Variants in ACOT7 observed in about 807,000 individuals in gnomAD.
ACOT7 encodes the protein cytosolic acyl coenzyme A thioester hydrolase.
A neutral mutation model predicts 40.2 loss-of-function variants in ACOT7; 12 were observed. That is an observed-to-expected ratio of 0.30 (90% CI 0.19 to 0.48). The LOEUF (loss-of-function observed/expected upper bound fraction) is 0.48. ACOT7 is among the 20% of genes least tolerant of loss of function. The pLI, the probability that ACOT7 is intolerant of heterozygous loss-of-function variation, is 0.99. For synonymous variants in ACOT7, 228 were observed against 219.5 expected (o/e 1.04, Z -0.34); for missense variants, 395 against 530.8 (o/e 0.74, Z 2.51).
At chr1:6,343,108 G>A (rs112965576) in intron 2 of ACOT7, among the ~76,000 whole-genome samples, 5,563 of 152,242 alleles carry the variant, frequency 0.037, 224 homozygotes, top group African/African-American at 0.097. Flanking sequence ...GGCCAGCTCC[G>A]ACATCACTGG....
At position 6,264,327 on chromosome 1, in the gene ACOT7, G is replaced by A. The variant is rs771160471; in HGVS notation, c.*270C>T. On this transcript the variant is annotated 3_prime_UTR_variant, in exon 9 of 9. Transcript: ENST00000361521. Reference sequence around the variant, plus strand: ...CTGGGTTCTTCCCATACCCTACAGCGTGCTCGGAAGCATTCCCGAGGGTTT... The same window carrying A: ...CTGGGTTCTTCCCATACCCTACAGCATGCTCGGAAGCATTCCCGAGGGTTT... 7 of 467,428 alleles carry A rather than the reference G, an allele frequency of 1.5e-5. No individual in the cohort carries two copies. Among genetic ancestry groups the A allele is most frequent in the South Asian group, 6.1e-5 (2 of 32,654 alleles). The allele number at this position is 467,428 out of a possible 1,614,324, so 29.0% of individuals were successfully genotyped here. A position where few individuals can be genotyped will look rare whatever the true frequency, so the allele number is the denominator to read the frequency against.
At chr1:6,280,372 C>T (rs1639319929) in intron 8 of ACOT7, among the ~76,000 whole-genome samples, 1 of 152,250 alleles carries the variant, frequency 6.6e-6, no homozygotes, top group Non-Finnish European at 1.5e-5. Flanking sequence ...AGGGAAGCTG[C>T]CTCTTTGGGC....
chr1:6,296,427 ATT>A (rs5772228), intron 6 of ACOT7, among the ~76,000 whole-genome samples: 3 of 144,780 alleles, frequency 2.1e-5, no homozygotes, highest in Non-Finnish European at 4.6e-5. Context: ...TCAATTTTTA[ATT>A]TTTTTTTTTT....
intron 1 of ACOT7, among the ~76,000 whole-genome samples, chr1:6,360,196 C>G (rs1055445243): frequency 6.6e-6 from 1 of 152,258 alleles, no homozygotes; most frequent in Non-Finnish European, 1.5e-5. Flanking sequence ...TGGTGCTGCC[C>G]CCGCCCAGGG....
At chr1:6,356,918 C>CAAA (rs139388424) in intron 1 of ACOT7, among the ~76,000 whole-genome samples, 1 of 112,668 alleles carries the variant, frequency 8.9e-6, no homozygotes, top group African/African-American at 3.3e-5. Context: ...GACTGTGTCT[C>CAAA]AAAAAAAAAA....
chr1:6,328,503 G>C (rs1336197207), intron 4 of ACOT7, among the ~76,000 whole-genome samples: 4 of 151,896 alleles, frequency 2.6e-5, no homozygotes, highest in Non-Finnish European at 5.9e-5. Context: ...CCAACATGGT[G>C]AAACCCCGCC....
intron 8 of ACOT7, among the ~76,000 whole-genome samples, chr1:6,279,614 G>A (rs1054652284): frequency 6.6e-6 from 1 of 152,184 alleles, no homozygotes; most frequent in African/African-American, 2.4e-5. Context: ...CTTTCAGCCT[G>A]GCCGAGTCCT....
intron 4 of ACOT7, among the ~76,000 whole-genome samples, chr1:6,329,162 G>A (rs1557653273): frequency 6.6e-6 from 1 of 152,216 alleles, no homozygotes; most frequent in South Asian, 2.1e-4. Context: ...TAAACATCTC[G>A]ATAATTCCTG....
At chr1:6,350,945 C>T (rs909547050) in intron 1 of ACOT7, among the ~76,000 whole-genome samples, 4 of 152,216 alleles carry the variant, frequency 2.6e-5, no homozygotes, top group African/African-American at 7.2e-5. Context: ...AACACTGCCT[C>T]GCCTAACTGG....
Position 6,358,056 on chromosome 1 carries a change from C to T in ACOT7, c.144-8190G>A, listed in dbSNP as rs997224487. On this transcript the variant is annotated intron_variant, in intron 1 of 8. Coordinates refer to ENST00000361521, the MANE Select transcript of ACOT7 (RefSeq NM_007274.4). The surrounding 1 kb of genome is among the most constrained non-coding windows in gnomAD (Gnocchi z 4.1). ...TAATTTTTGTATTTTTTAGTAGAGA[C>T]GGGGGTTTCACCATGTTGGCCAGGC... Among the ~76,000 whole-genome samples, 7 of 151,740 alleles carry T rather than the reference C, an allele frequency of 4.6e-5. No homozygotes were observed. The highest frequency in any genetic ancestry group is 7.3e-5 in the African/African-American group (3 of 41,284).
intron 7 of ACOT7, among the ~76,000 whole-genome samples, chr1:6,281,582 C>T (rs1055417406): frequency 6.6e-6 from 1 of 152,246 alleles, no homozygotes; most frequent in Non-Finnish European, 1.5e-5. Flanking sequence ...GCAGCACCTG[C>T]TGAAAGGCTT....
chr1:6,324,084 G>A (rs920281220), intron 5 of ACOT7, among the ~76,000 whole-genome samples: 62 of 152,050 alleles, frequency 4.1e-4, no homozygotes, highest in African/African-American at 1.4e-3. Context: ...CCATTGACCC[G>A]GACGCCCCTG....
At chr1:6,323,425 G>T (rs1268715098) in intron 5 of ACOT7, among the ~76,000 whole-genome samples, 1 of 152,034 alleles carries the variant, frequency 6.6e-6, no homozygotes, top group Non-Finnish European at 1.5e-5. Flanking sequence ...CCCTGACCAG[G>T]TCTGCCTTCT....
At chr1:6,305,301 C>T (rs1640107813) in intron 6 of ACOT7, among the ~76,000 whole-genome samples, 1 of 128,720 alleles carries the variant, frequency 7.8e-6, no homozygotes, top group African/African-American at 2.7e-5. Flanking sequence ...CAGAGGGGCT[C>T]CTCACTTCCC....
At chr1:6,362,441 A>G (rs4908548) in intron 1 of ACOT7, among the ~76,000 whole-genome samples, 35 of 152,166 alleles carry the variant, frequency 2.3e-4, no homozygotes, top group Admixed American at 1.7e-3. Context: ...AAAAAAAAAA[A>G]AGAAAAAAAA....
chr1:6,291,033 G>A (rs1639647887), intron 7 of ACOT7, among the ~76,000 whole-genome samples: 1 of 152,126 alleles, frequency 6.6e-6, no homozygotes, highest in African/African-American at 2.4e-5. Flanking sequence ...GGCAGCTTGG[G>A]GCTGGTGAAT....
chr1:6,386,787 AG>A (rs2148483619), intron 1 of ACOT7, among the ~76,000 whole-genome samples: 1 of 152,330 alleles, frequency 6.6e-6, no homozygotes, highest in Non-Finnish European at 1.5e-5. Context: ...TGAGCCCAGA[AG>A]GTTGGGGCTG....
At chr1:6,377,937 G>A (rs1045335954) in intron 1 of ACOT7, among the ~76,000 whole-genome samples, 4 of 152,116 alleles carry the variant, frequency 2.6e-5, no homozygotes, top group Non-Finnish European at 5.9e-5. Context: ...AGGTGTGGTG[G>A]CAGGCGCCTG....
rs1342526633 is a variant in ACOT7 at position 6,330,083 on chromosome 1, G to A, written c.511-2670C>T. ...GTGTGTGTGGTGTGTGTGTGTGTGT[G>A]CGTGTTCAAGATATCTACATGCATA... On this transcript the variant is annotated intron_variant, in intron 4 of 8. Coordinates refer to ENST00000361521, the MANE Select transcript of ACOT7 (RefSeq NM_007274.4). The surrounding 1 kb of genome is among the most constrained non-coding windows in gnomAD (Gnocchi z 4.6). Among the ~76,000 whole-genome samples the A allele has an allele frequency of 6.6e-6, 1 of 152,218 alleles. No homozygotes were observed. The highest frequency in any genetic ancestry group is 1.5e-5 in the Non-Finnish European group (1 of 68,032).
Sources: gnomAD v4.1 joint callset for allele counts (sites outside exome capture counted in the v4.1 genomes callset) on GRCh38, gnomAD v4.1.1 for gene constraint, Gnocchi (gnomAD v3.1) non-coding constraint, MANE v1.5 for transcripts, NCBI Gene and HGNC (gene_info 2026-07-23, HGNC 2026-07-21) for gene names.